TUBB8B: variants seen among roughly 807,000 people sequenced by gnomAD.
TUBB8B encodes the protein HSA18p11 beta-tubulin 4Q pseudogene.
TUBB8B carries 26 observed loss-of-function variants against 31.9 expected under a neutral mutation model. The observed-to-expected ratio is 0.81, with a 90% CI of 0.60 to 1.13. The LOEUF (loss-of-function observed/expected upper bound fraction) is 1.13. Among genes scored for constraint, TUBB8B ranks in the 50% most tolerant of loss-of-function variants. TUBB8B has a pLI of 0.00. For missense variants in TUBB8B, 467 were observed against 586.7 expected (o/e 0.80, Z 2.11); for synonymous variants, 173 against 231.0 (o/e 0.75, Z 2.28).
the TUBB8B span, among the ~76,000 whole-genome samples, chr18:55,581 T>A: frequency 2.6e-5 from 4 of 151,608 alleles, no homozygotes; most frequent in Non-Finnish European, 5.9e-5. Context: ...TCAGATCTCA[T>A]GAGAACTCAC....
chr18:52,085 G>C (rs532590458), upstream of TUBB8B, among the ~76,000 whole-genome samples: 13 of 151,912 alleles, frequency 8.6e-5, no homozygotes, highest in African/African-American at 2.9e-4. Flanking sequence ...CTGCCCTTTA[G>C]CTTCTAGGAC....
In TUBB8B at chr18:48,121, T is replaced by C. The variant is rs56279059; in HGVS notation, c.604A>G (p.Ile202Val). ...LIENADETFC[I>V]DNEALYDICS... ...ATGTCATATAGCGCTTCGTTATCTATGCAGAAGGTCTCATCCGCGTTTTCT... is the reference window on the plus strand; with the variant it reads ...ATGTCATATAGCGCTTCGTTATCTACGCAGAAGGTCTCATCCGCGTTTTCT... Residue 202 changes from isoleucine (I) to valine (V), a missense_variant, in exon 4 of 4, where the codon ATA becomes GTA. Ile to Val is a conservative substitution (Grantham distance 29). Around this residue, in one of 2 missense-constraint regions of TUBB8B, gnomAD observed 259 missense variants for 380.1 expected, o/e 0.68. Transcript: ENST00000308911. 3.7e-6 allele frequency: 6 copies of C among 1,607,752 alleles called. No individual in the cohort carries two copies. Among genetic ancestry groups the C allele is most frequent in the Admixed American group, 1.7e-5 (1 of 59,730 alleles).
the TUBB8B span, among the ~76,000 whole-genome samples, chr18:70,179 G>C: frequency 6.6e-6 from 1 of 151,594 alleles, no homozygotes; most frequent in Non-Finnish European, 1.5e-5. Flanking sequence ...AAAAATAAAA[G>C]AAAGGAGAAA....
At chr18:53,866 C>G (rs1260577270), upstream of TUBB8B, among the ~76,000 whole-genome samples, 2 of 152,010 alleles carry the variant, frequency 1.3e-5, no homozygotes, top group East Asian at 3.9e-4. Flanking sequence ...AGACTGAGGA[C>G]AAACTCTAGA....
the TUBB8B span, among the ~76,000 whole-genome samples, chr18:63,953 ACCCTAAC>A: frequency 5.4e-5 from 8 of 149,122 alleles, no homozygotes; most frequent in African/African-American, 1.7e-4. Context: ...CCTTACCCTA[ACCCTAAC>A]CCCTAACCCT....
At chr18:68,563 A>C in the TUBB8B span, among the ~76,000 whole-genome samples, 10 of 152,178 alleles carry the variant, frequency 6.6e-5, no homozygotes, top group African/African-American at 2.2e-4. Context: ...CTGCGTTCCC[A>C]GGGAAAACAC....
the TUBB8B span, among the ~76,000 whole-genome samples, chr18:63,205 T>A: frequency 3.3e-5 from 5 of 151,802 alleles, no homozygotes; most frequent in African/African-American, 7.3e-5. Context: ...TTCATCCATA[T>A]CTGGGCATTG....
the TUBB8B span, among the ~76,000 whole-genome samples, chr18:61,996 C>A: frequency 2.6e-4 from 39 of 151,736 alleles, no homozygotes; most frequent in Non-Finnish European, 5.4e-4. Flanking sequence ...TCAGAACTCC[C>A]TTTTGCATTT....
the TUBB8B span, among the ~76,000 whole-genome samples, chr18:58,134 G>T: frequency 6.7e-6 from 1 of 149,798 alleles, no homozygotes; most frequent in Non-Finnish European, 1.5e-5. Context: ...CTTCCCCATT[G>T]TCTTGGCTAT....
At chr18:68,836 T>A in the TUBB8B span, among the ~76,000 whole-genome samples, 1 of 152,126 alleles carries the variant, frequency 6.6e-6, no homozygotes, top group Admixed American at 6.6e-5. Context: ...TGGCCTGCAG[T>A]CTCGTATGCT....
At chr18:49,848 A>T, upstream of TUBB8B, 1 of 567,398 alleles carries the variant, frequency 1.8e-6, no homozygotes, top group Non-Finnish European at 3.3e-6. Flanking sequence ...GTAAGACTAG[A>T]TCCCTAGCTG....
chr18:67,482 A>G, the TUBB8B span, among the ~76,000 whole-genome samples: 1 of 152,182 alleles, frequency 6.6e-6, no homozygotes, highest in Admixed American at 6.5e-5. Context: ...CTGGAACTAC[A>G]TATGTGTGCA....
chr18:48,616 C>T (rs1334012237), intron 3 of TUBB8B, 169 bp from the exon 4 acceptor site: 1 of 675,366 alleles, frequency 1.5e-6, no homozygotes, highest in South Asian at 1.8e-5. Context: ...GCAGCTTCCC[C>T]TGTTAGAAAT....
rs1905830444 is a variant in TUBB8B at position 48,377 on chromosome 18, C to T, written c.348G>A (p.Val116=). Residue 116 remains valine, a synonymous_variant, in exon 4 of 4, where the codon GTG becomes GTA. Transcript: ENST00000308911. The stretch of plus-strand genomic sequence containing the variant: ...CAGCCTCCTTTCTGACAACGTCCAT[C>T]ACTGACTCCGTCAGCTCCGCGCCTT... The part of the protein sequence containing the change: ...YTEGAELTES[V]MDVVRKEAES... The T allele has an allele frequency of 6.2e-7, 1 of 1,612,406 alleles. No homozygotes were observed. Among genetic ancestry groups the T allele is most frequent in the African/African-American group, 1.3e-5 (1 of 74,924 alleles).
chr18:64,245 C>T, the TUBB8B span, among the ~76,000 whole-genome samples: 1 of 152,128 alleles, frequency 6.6e-6, no homozygotes. Context: ...TTCTGTCATA[C>T]TTATGTTTGC....
chr18:54,645 C>T, the TUBB8B span, among the ~76,000 whole-genome samples: 2 of 151,946 alleles, frequency 1.3e-5, no homozygotes, highest in African/African-American at 4.8e-5. Flanking sequence ...TCTTTCTGTG[C>T]CTGACTTATT....
At chr18:50,161 T>C (rs549097343), upstream of TUBB8B, 2,637 of 313,994 alleles carry the variant, frequency 8.4e-3, 18 homozygotes, top group African/African-American at 0.018. Context: ...AGGACTGCGG[T>C]CTCCACACAG....
chr18:51,310 C>A (rs562484816), upstream of TUBB8B, among the ~76,000 whole-genome samples: 8 of 151,982 alleles, frequency 5.3e-5, no homozygotes, highest in African/African-American at 1.9e-4. Flanking sequence ...CAAATCTTAT[C>A]TTGAATTATA....
upstream of TUBB8B, among the ~76,000 whole-genome samples, chr18:53,289 C>T (rs1025901189): frequency 3.3e-5 from 5 of 151,752 alleles, no homozygotes; most frequent in African/African-American, 1.2e-4. Context: ...GAATTTTGTG[C>T]ATTTTATTTG....
Sources: allele counts gnomAD v4.1 joint callset (sites outside exome capture counted in the v4.1 genomes callset), GRCh38; gene constraint gnomAD v4.1.1; regional missense constraint gnomAD v4.1.1; transcripts MANE v1.5; gene names NCBI Gene and HGNC (gene_info 2026-07-23, HGNC 2026-07-21).